The following FCHO2 variants were observed in gnomAD, a reference collection of about 807,000 sequenced individuals.
FCHO2 encodes F-BAR domain only protein 2.
Under a neutral mutation model 114.1 loss-of-function variants are expected in FCHO2, and 43 were observed. The observed-to-expected ratio is 0.38, with a 90% CI of 0.30 to 0.49. The LOEUF is 0.49. Ranked by LOEUF, FCHO2 falls within the 20% of genes least tolerant of loss-of-function variation. FCHO2 has a pLI of 0.97. For missense variants in FCHO2, 807 were observed against 950.4 expected, an observed-to-expected ratio of 0.85 and a Z score of 1.98; for synonymous variants, 293 against 315.2, an observed-to-expected ratio of 0.93 and a Z score of 0.75.
Position 72,990,696 on chromosome 5 carries a change from A to T in FCHO2, c.343-16A>T, listed in dbSNP as rs201529330. 2 of 1,544,806 alleles carry T rather than the reference A, an allele frequency of 1.3e-6. No homozygotes were observed. The highest frequency in any genetic ancestry group is 2.8e-5 in the African/African-American group (2 of 72,322). On this transcript the variant is annotated splice_polypyrimidine_tract_variant and intron_variant, in intron 4 of 25. Transcript: ENST00000430046. ...TATAGTTCAGTCATTTTGATGGATCATTTCATACTAAACAGACTAAAGAAG... is the reference window on the plus strand; with the variant it reads ...TATAGTTCAGTCATTTTGATGGATCTTTTCATACTAAACAGACTAAAGAAG...
chr5:72,989,502 G>A lies in FCHO2; in HGVS notation c.200+1G>A. 6.3e-7 allele frequency: 1 copy of A among 1,596,092 alleles called. No individual in the cohort carries two copies. The highest frequency in any genetic ancestry group is 1.1e-5 in the South Asian group (1 of 87,732). ...CTGCAAGCAATTATTCACAACTTGG[G>A]TGAGTTAATTTCTTCCTCTTTTTCA... On this transcript the variant is annotated splice_donor_variant, in intron 3 of 25. Transcript: ENST00000430046. LOFTEE classifies it high-confidence loss of function.
intron 19 of FCHO2, among the ~76,000 whole-genome samples, chr5:73,074,424 G>A (rs1742816041): frequency 6.6e-6 from 1 of 152,048 alleles, no homozygotes; most frequent in Admixed American, 6.6e-5. Flanking sequence ...TTTGGTATTT[G>A]AATGTTTTTG....
At chr5:73,082,618 T>C in intron 23 of FCHO2, 143 bp from the exon 24 acceptor site, 1 of 673,804 alleles carries the variant, frequency 1.5e-6, no homozygotes, top group Non-Finnish European at 2.6e-6. Context: ...CATAAACACA[T>C]TTTCACCAGT....
At chr5:72,983,451 C>T (rs747351454) in intron 2 of FCHO2, among the ~76,000 whole-genome samples, 5 of 151,774 alleles carry the variant, frequency 3.3e-5, no homozygotes, top group East Asian at 1.9e-4. Context: ...GCAGCCTCCA[C>T]GTCTTGGGCT....
chr5:73,053,713 G>T (rs1018420307), intron 13 of FCHO2, among the ~76,000 whole-genome samples: 1 of 150,824 alleles, frequency 6.6e-6, no homozygotes, highest in East Asian at 1.9e-4. Flanking sequence ...AAAAAAAAAG[G>T]TGGTGAATAT....
intron 5 of FCHO2, among the ~76,000 whole-genome samples, chr5:73,003,981 G>T (rs1754579376): frequency 6.7e-6 from 1 of 149,324 alleles, no homozygotes. Context: ...CCGGGAGGCG[G>T]AGGTTGCAGT....
At chr5:72,985,413 C>T (rs1271466793) in intron 2 of FCHO2, among the ~76,000 whole-genome samples, 5 of 152,088 alleles carry the variant, frequency 3.3e-5, no homozygotes, top group Admixed American at 2.6e-4. Context: ...CCACCCACCT[C>T]GGCCTCCCAA....
intron 19 of FCHO2, among the ~76,000 whole-genome samples, chr5:73,071,371 G>A (rs544582178): frequency 6.6e-6 from 1 of 151,996 alleles, no homozygotes; most frequent in South Asian, 2.1e-4. Flanking sequence ...TGTCATATAC[G>A]AAAACCATAC....
chr5:72,956,041 G>A lies in FCHO2; in HGVS notation c.-56G>A. ...GCGGGGGTGCTGTGGGGGCCGGGCC[G>A]TGTTTACACAGCGGCGGGCGGGCGC... On this transcript the variant is annotated 5_prime_UTR_variant, in exon 1 of 26. The change creates a new upstream start codon in the 5' untranslated region. Transcript: ENST00000430046. 5 of 1,534,314 alleles carry A rather than the reference G, an allele frequency of 3.3e-6. No homozygotes were observed. The South Asian group carries it at 4.9e-5, about 15-fold the overall frequency.
At chr5:72,975,189 G>A (rs1015212842) in intron 2 of FCHO2, among the ~76,000 whole-genome samples, 43 of 151,970 alleles carry the variant, frequency 2.8e-4, no homozygotes, top group African/African-American at 9.9e-4. Context: ...ATTTTTATTT[G>A]TTTTTATGTT....
chr5:73,050,530 G>A (rs1307984324), intron 11 of FCHO2, among the ~76,000 whole-genome samples: 1 of 151,924 alleles, frequency 6.6e-6, no homozygotes, highest in Non-Finnish European at 1.5e-5. Flanking sequence ...TTTTGGCCAG[G>A]ATGATCTTGA....
intron 15 of FCHO2, chr5:73,055,156 T>TA: frequency 7.0e-6 from 2 of 284,372 alleles, no homozygotes; most frequent in Middle Eastern, 2.6e-3. Flanking sequence ...AATACCAAAA[T>TA]AAAAGTAAGG....
Position 73,073,994 on chromosome 5 carries a change from G to A in FCHO2, c.1580-748G>A, listed in dbSNP as rs573692810. On this transcript the variant is annotated intron_variant, in intron 19 of 25. Coordinates refer to ENST00000430046, the MANE Select transcript of FCHO2 (RefSeq NM_138782.3). ...AGGCACGCAGTGGTAAGAAGAGTGC[G>A]TTTGTGAAGAAAAACAAAGGCAATG... is the stretch of plus-strand genomic sequence containing the variant. Among the ~76,000 whole-genome samples the A allele has an allele frequency of 3.8e-4, 58 of 152,096 alleles. No homozygotes were observed. In the South Asian group the frequency reaches 0.011, roughly 28 times the overall value.
At chr5:73,029,879 A>G (rs1206482764) in intron 8 of FCHO2, among the ~76,000 whole-genome samples, 1 of 152,130 alleles carries the variant, frequency 6.6e-6, no homozygotes, top group African/African-American at 2.4e-5. Context: ...GTCATCTCCC[A>G]TTAGGCCCCA....
intron 6 of FCHO2, among the ~76,000 whole-genome samples, chr5:73,012,291 G>C (rs1755060734): frequency 6.6e-6 from 1 of 152,146 alleles, no homozygotes; most frequent in Non-Finnish European, 1.5e-5. Flanking sequence ...GTTGTTGACA[G>C]AAATGTCATT....
chr5:73,070,566 T>G (rs1580200069), intron 19 of FCHO2, among the ~76,000 whole-genome samples: 1 of 128,222 alleles, frequency 7.8e-6, no homozygotes, highest in South Asian at 2.3e-4. Context: ...TCGCTTTAGG[T>G]TTTTTTTTTT....
chr5:73,000,981 A>C (rs1426841703), intron 5 of FCHO2, among the ~76,000 whole-genome samples: 1 of 152,138 alleles, frequency 6.6e-6, no homozygotes, highest in Non-Finnish European at 1.5e-5. Context: ...CTATAATTCT[A>C]CCTTAAGAAT....
At chr5:72,969,966 A>G (rs1422969604) in intron 2 of FCHO2, among the ~76,000 whole-genome samples, 1 of 152,192 alleles carries the variant, frequency 6.6e-6, no homozygotes, top group East Asian at 1.9e-4. Flanking sequence ...GTTTTTCCAT[A>G]GAATGAATCT....
intron 13 of FCHO2, among the ~76,000 whole-genome samples, chr5:73,053,945 A>C (rs948066064): frequency 6.6e-5 from 10 of 152,204 alleles, no homozygotes; most frequent in Admixed American, 2.6e-4. Flanking sequence ...AATAATAATC[A>C]GAACAATTTT....
Sources: allele counts gnomAD v4.1 joint callset (sites outside exome capture counted in the v4.1 genomes callset), GRCh38; gene constraint gnomAD v4.1.1; transcripts MANE v1.5; gene names NCBI Gene and HGNC (gene_info 2026-07-23, HGNC 2026-07-21).